Variants in SSH2 observed in about 807,000 individuals in gnomAD.
The protein encoded by SSH2 is protein phosphatase Slingshot homolog 2.
Under a neutral mutation model 135.2 loss-of-function variants are expected in SSH2, and 37 were observed. The ratio of observed to expected loss-of-function variants is 0.27; its 90% confidence interval spans 0.21 to 0.36. The LOEUF is 0.36. Among genes scored for constraint, SSH2 ranks in the 10% least tolerant of loss-of-function variants. The pLI, the probability that SSH2 is intolerant of heterozygous loss-of-function variation, is 1.00. For missense variants in SSH2, 1,408 were observed against 1,765.3 expected, an observed-to-expected ratio of 0.80 and a Z score of 3.63; for synonymous variants, 628 against 646.2, an observed-to-expected ratio of 0.97 and a Z score of 0.43.
At chr17:29,761,187 CGGA>C (rs889179932) in intron 3 of SSH2, 33 of 1,289,624 alleles carry the variant, frequency 2.6e-5, no homozygotes, top group Non-Finnish European at 3.1e-5. Flanking sequence ...ACCGCGTTGG[CGGA>C]GAAGTAAGGA....
At chr17:29,921,489 T>C (rs1331937158) in intron 1 of SSH2, among the ~76,000 whole-genome samples, 1 of 152,220 alleles carries the variant, frequency 6.6e-6, no homozygotes, top group Non-Finnish European at 1.5e-5. Context: ...TCAAGATATC[T>C]GTCTATGCTT....
intron 1 of SSH2, among the ~76,000 whole-genome samples, chr17:29,889,100 A>G (rs183063296): frequency 1.2e-3 from 179 of 152,146 alleles, no homozygotes; most frequent in African/African-American, 4.2e-3. Context: ...TACCATATAC[A>G]AAAATTTACT....
At chr17:29,764,249 C>T (rs1458920848) in intron 3 of SSH2, among the ~76,000 whole-genome samples, 4 of 152,216 alleles carry the variant, frequency 2.6e-5, no homozygotes, top group Non-Finnish European at 4.4e-5. Flanking sequence ...CTGCACCCGG[C>T]CTGTCTCTTG....
chr17:29,851,593 C>CA (rs976091548), intron 1 of SSH2, among the ~76,000 whole-genome samples: 4 of 150,494 alleles, frequency 2.7e-5, no homozygotes, highest in Non-Finnish European at 4.4e-5. Flanking sequence ...AACGCCATCT[C>CA]AAAAAAAATT....
chr17:29,812,652 A>G (rs1244702763), intron 2 of SSH2, among the ~76,000 whole-genome samples: 1 of 152,162 alleles, frequency 6.6e-6, no homozygotes, highest in Non-Finnish European at 1.5e-5. Flanking sequence ...GCACTTTGGG[A>G]CACCGAAGCG....
intron 1 of SSH2, chr17:29,928,159 G>A (rs73987171): frequency 0.015 from 2,705 of 174,572 alleles, 80 homozygotes; most frequent in African/African-American, 0.06. Flanking sequence ...ACTTTCAATC[G>A]ATTTCTTCAA....
intron 9 of SSH2, among the ~76,000 whole-genome samples, chr17:29,670,184 C>T (rs953978891): frequency 3.3e-5 from 5 of 152,016 alleles, no homozygotes; most frequent in Non-Finnish European, 4.4e-5. Flanking sequence ...CCACCACGCC[C>T]GACTGTCTCT....
At chr17:29,761,409 G>A (rs1180671951) in intron 3 of SSH2, 3 of 1,058,992 alleles carry the variant, frequency 2.8e-6, no homozygotes, top group Non-Finnish European at 2.3e-6. Context: ...CGAAGCCCCA[G>A]GGCTCGGCGG....
chr17:29,889,091 A>G (rs2151441482), intron 1 of SSH2, among the ~76,000 whole-genome samples: 1 of 152,236 alleles, frequency 6.6e-6, no homozygotes, highest in South Asian at 2.1e-4. Context: ...GCAAACAAAT[A>G]CCATATACAA....
chr17:29,925,404 A>G, intron 1 of SSH2: 2 of 396,892 alleles, frequency 5.0e-6, no homozygotes, highest in Non-Finnish European at 8.9e-6. Flanking sequence ...TCTACAGTCA[A>G]TAATAATATA....
intron 9 of SSH2, among the ~76,000 whole-genome samples, chr17:29,671,473 T>A (rs1454704263): frequency 6.6e-6 from 1 of 152,056 alleles, no homozygotes; most frequent in Admixed American, 6.6e-5. Flanking sequence ...CAGAGTGAGA[T>A]CCTGTCTCTT....
intron 3 of SSH2, among the ~76,000 whole-genome samples, chr17:29,747,708 T>C (rs567150029): frequency 1.8e-4 from 28 of 152,198 alleles, no homozygotes; most frequent in Non-Finnish European, 3.5e-4. Flanking sequence ...ACCTTAGAAA[T>C]TGTAAAGTAT....
chr17:29,815,123 A>AT (rs71360722), intron 2 of SSH2, among the ~76,000 whole-genome samples: 2,066 of 97,990 alleles, frequency 0.021, 39 homozygotes, highest in South Asian at 0.045. Flanking sequence ...TATTTTTTGT[A>AT]TTTTTTTTTT....
chr17:29,836,810 G>A (rs2042950596), intron 2 of SSH2, among the ~76,000 whole-genome samples: 2 of 152,140 alleles, frequency 1.3e-5, no homozygotes, highest in Non-Finnish European at 2.9e-5. Context: ...TCAGCAGACA[G>A]GATCCACTGA....
intron 2 of SSH2, among the ~76,000 whole-genome samples, chr17:29,800,370 C>A (rs188510635): frequency 6.6e-6 from 1 of 152,300 alleles, no homozygotes; most frequent in Non-Finnish European, 1.5e-5. Context: ...GAGTAACTAT[C>A]GGGTAATGCA....
At chr17:29,755,892 A>C (rs891354867) in intron 3 of SSH2, among the ~76,000 whole-genome samples, 2 of 149,880 alleles carry the variant, frequency 1.3e-5, no homozygotes, top group African/African-American at 2.4e-5. Flanking sequence ...CGATCTCCTG[A>C]GCTTGTGATC....
At chr17:29,834,751 CAG>C (rs1166728855) in intron 2 of SSH2, among the ~76,000 whole-genome samples, 1 of 152,092 alleles carries the variant, frequency 6.6e-6, no homozygotes, top group Non-Finnish European at 1.5e-5. Context: ...TATTTTGTCA[CAG>C]AGTGAGGTAG....
chr17:29,812,055 C>A (rs924221262), intron 2 of SSH2, among the ~76,000 whole-genome samples: 2 of 151,664 alleles, frequency 1.3e-5, no homozygotes, highest in East Asian at 1.9e-4. Context: ...TATCTCTAAC[C>A]CTCATGAAAA....
chr17:29,644,633 C>T (rs1283588468), intron 14 of SSH2, among the ~76,000 whole-genome samples: 4 of 152,030 alleles, frequency 2.6e-5, no homozygotes, highest in African/African-American at 9.7e-5. Context: ...ATGGTGAAAC[C>T]CCATCTCTAC....
Sources: allele counts gnomAD v4.1 joint callset (sites outside exome capture counted in the v4.1 genomes callset), GRCh38; gene constraint gnomAD v4.1.1; transcripts MANE v1.5; gene names NCBI Gene and HGNC (gene_info 2026-07-23, HGNC 2026-07-21).